Variants in ARPP21 observed in about 807,000 individuals in gnomAD.
ARPP21 encodes cAMP regulated phosphoprotein 21, also known as cAMP-regulated phosphoprotein 21.
A neutral mutation model predicts 113.2 loss-of-function variants in ARPP21; 69 were observed. That is an observed-to-expected ratio of 0.61 (90% CI 0.50 to 0.74). ARPP21 has a LOEUF of 0.74. Ranked by LOEUF, ARPP21 falls within the 30% of genes least tolerant of loss-of-function variation. The pLI, the probability that ARPP21 is intolerant of heterozygous loss-of-function variation, is 0.00. For synonymous variants in ARPP21, 368 were observed against 375.5 expected, an observed-to-expected ratio of 0.98 and a Z score of 0.23; for missense variants, 1,070 against 1,037.4, an observed-to-expected ratio of 1.03 and a Z score of -0.43.
At chr3:35,751,706 G>A (rs545635261) in intron 19 of ARPP21, among the ~76,000 whole-genome samples, 11 of 152,226 alleles carry the variant, frequency 7.2e-5, no homozygotes, top group Admixed American at 4.6e-4. Flanking sequence ...AGGAAAGTGA[G>A]GCTAGAAGGC....
At chr3:35,769,634 T>C (rs2096123153) in intron 19 of ARPP21, among the ~76,000 whole-genome samples, 1 of 152,166 alleles carries the variant, frequency 6.6e-6, no homozygotes, top group African/African-American at 2.4e-5. Flanking sequence ...GCCTCCCTCA[T>C]TGCAAAGAAT....
At chr3:35,717,029 T>A (rs1211675659) in intron 12 of ARPP21, among the ~76,000 whole-genome samples, 1 of 152,036 alleles carries the variant, frequency 6.6e-6, no homozygotes, top group East Asian at 1.9e-4. Flanking sequence ...ATCTCTATTA[T>A]ACCTATATCA....
At chr3:35,760,303 G>C (rs1193953081) in intron 19 of ARPP21, among the ~76,000 whole-genome samples, 1 of 152,062 alleles carries the variant, frequency 6.6e-6, no homozygotes, top group Non-Finnish European at 1.5e-5. Flanking sequence ...GTGGCCCTCA[G>C]GGTTGGTGGC....
chr3:35,743,480 A>G (rs1303116644), intron 18 of ARPP21, among the ~76,000 whole-genome samples: 2 of 152,194 alleles, frequency 1.3e-5, no homozygotes, highest in African/African-American at 2.4e-5. Flanking sequence ...TGTGTTCCCC[A>G]CATGGCCTTT....
At position 35,669,604 on chromosome 3, in the gene ARPP21, T is replaced by C. The variant is rs140354890; in HGVS notation, c.-212-10183T>C. Among the ~76,000 whole-genome samples, 160 of 152,304 alleles carry C rather than the reference T, an allele frequency of 1.1e-3. 2 individuals carry two copies. The highest frequency in any genetic ancestry group is 8.9e-3 in the Admixed American group (136 of 15,294). On this transcript the variant is annotated intron_variant, in intron 1 of 20. Transcript: ENST00000684406. ...CCATTTCAGGGATCAGATTGTTCCA[T>C]TTGTCATAGGAATGCCACATCACAT...
chr3:35,698,024 T>G (rs1262267721), intron 9 of ARPP21, among the ~76,000 whole-genome samples: 1 of 151,600 alleles, frequency 6.6e-6, no homozygotes, highest in Non-Finnish European at 1.5e-5. Context: ...AAATTTACTC[T>G]GCACTTTTTA....
intron 19 of ARPP21, among the ~76,000 whole-genome samples, chr3:35,748,926 G>A (rs2095296101): frequency 6.6e-6 from 1 of 152,222 alleles, no homozygotes; most frequent in Non-Finnish European, 1.5e-5. Context: ...TCAGGGAGGT[G>A]AAATAAATTA....
At chr3:35,727,347 T>G (rs1357071867) in intron 14 of ARPP21, among the ~76,000 whole-genome samples, 2 of 152,256 alleles carry the variant, frequency 1.3e-5, no homozygotes, top group African/African-American at 4.8e-5. Context: ...TGACCTGAAT[T>G]ACCTAACTTC....
At chr3:35,714,232 C>T (rs562667698) in intron 11 of ARPP21, among the ~76,000 whole-genome samples, 1 of 152,130 alleles carries the variant, frequency 6.6e-6, no homozygotes, top group Non-Finnish European at 1.5e-5. Flanking sequence ...AAAGCATAAA[C>T]GATTCTAGAG....
rs748574483 is a variant in ARPP21 at position 35,721,832 on chromosome 3, C to G, written c.1223C>G (p.Ala408Gly). The G allele has an allele frequency of 1.3e-6, 2 of 1,594,704 alleles. No homozygotes were observed. The highest frequency in any genetic ancestry group is 3.4e-5 in the Admixed American group (2 of 58,390). Residue 408 changes from alanine to glycine, a missense_variant and splice_region_variant, in exon 14 of 21, where the codon GCA (alanine) becomes GGA (glycine). By Grantham distance (60) the Ala-to-Gly change is moderately conservative. Coordinates refer to ENST00000684406, the MANE Select transcript of ARPP21 (RefSeq NM_001385562.1). The part of the protein sequence containing the change: ...STRSTGKLSK[A>G]GSESSSSAGS... ...AGGAGTACCGGGAAGCTGTCCAAAG[C>G]AGGTAGTTAGTACTGAATGTGTTTA...
intron 19 of ARPP21, among the ~76,000 whole-genome samples, chr3:35,773,143 C>G (rs2096257140): frequency 6.6e-6 from 1 of 152,044 alleles, no homozygotes; most frequent in Non-Finnish European, 1.5e-5. Flanking sequence ...CAATATAATG[C>G]ATTTTTGGTG....
At chr3:35,679,660 G>T (rs1193648205) in intron 1 of ARPP21, 127 bp from the exon 2 acceptor site, 3 of 151,860 alleles carry the variant, frequency 2.0e-5, no homozygotes, top group Non-Finnish European at 2.9e-5. Flanking sequence ...GGTGGAGCTG[G>T]ATCAAGCTGT....
chr3:35,788,604 A>C (rs1005448328), intron 19 of ARPP21, among the ~76,000 whole-genome samples: 4 of 152,240 alleles, frequency 2.6e-5, no homozygotes, highest in Admixed American at 6.5e-5. Context: ...AAATGCAGAA[A>C]TAGAGATTAC....
chr3:35,725,062 T>A (rs1449660501), intron 14 of ARPP21, among the ~76,000 whole-genome samples: 1 of 152,146 alleles, frequency 6.6e-6, no homozygotes, highest in African/African-American at 2.4e-5. Context: ...TGAGCTCCAC[T>A]GAATCGAAAA....
At chr3:35,741,778 T>G (rs1201413632) in intron 18 of ARPP21, among the ~76,000 whole-genome samples, 4 of 152,206 alleles carry the variant, frequency 2.6e-5, no homozygotes, top group Non-Finnish European at 4.4e-5. Context: ...CCTCTCTCCT[T>G]TCAAACCTTT....
chr3:35,683,682 T>G, intron 4 of ARPP21, 44 bp from the exon 5 acceptor site: 1 of 805,696 alleles, frequency 1.2e-6, no homozygotes, highest in South Asian at 1.4e-5. Flanking sequence ...TCCTGTTTGT[T>G]TTCTTTATTT....
intron 19 of ARPP21, among the ~76,000 whole-genome samples, chr3:35,787,051 GA>G (rs1032205846): frequency 6.6e-6 from 1 of 152,140 alleles, no homozygotes; most frequent in South Asian, 2.1e-4. Context: ...AGTGAGACAG[GA>G]AAAAAATCCA....
chr3:35,789,804 T>G (rs2096711205), intron 19 of ARPP21, among the ~76,000 whole-genome samples: 1 of 152,216 alleles, frequency 6.6e-6, no homozygotes, highest in Non-Finnish European at 1.5e-5. Flanking sequence ...TATTTAATAT[T>G]AAGGATTGCT....
chr3:35,741,356 T>C (rs2094645255), intron 18 of ARPP21, among the ~76,000 whole-genome samples: 2 of 152,204 alleles, frequency 1.3e-5, no homozygotes, highest in African/African-American at 4.8e-5. Context: ...GAATCACAGA[T>C]AAAGGTATAG....
Sources: gnomAD v4.1 joint callset for allele counts (sites outside exome capture counted in the v4.1 genomes callset) on GRCh38, gnomAD v4.1.1 for gene constraint, MANE v1.5 for transcripts, NCBI Gene and HGNC (gene_info 2026-07-23, HGNC 2026-07-21) for gene names.